Variants in ATP9B observed in about 807,000 individuals in gnomAD.
ATP9B encodes the protein ATPase phospholipid transporting 9B.
Under a neutral mutation model 146.1 loss-of-function variants are expected in ATP9B, and 110 were observed. The observed-to-expected ratio is 0.75, with a 90% CI of 0.65 to 0.88. ATP9B has a LOEUF of 0.88. Ranked by LOEUF, ATP9B falls within the 40% of genes least tolerant of loss-of-function variation. The pLI is 0.00. For missense variants in ATP9B, 1,499 were observed against 1,496.4 expected (o/e 1.00, Z -0.03); for synonymous variants, 604 against 569.7 (o/e 1.06, Z -0.86).
At chr18:79,369,532 CA>C (rs67043260) in intron 26 of ATP9B, among the ~76,000 whole-genome samples, 36,625 of 87,440 alleles carry the variant, frequency 0.42, 4,461 homozygotes, top group Middle Eastern at 0.56. Flanking sequence ...GAGTCCGTCT[CA>C]AAAAAAAAAA....
chr18:79,331,706 A>AT (rs1349867641), intron 17 of ATP9B, among the ~76,000 whole-genome samples: 1 of 152,150 alleles, frequency 6.6e-6, no homozygotes, highest in African/African-American at 2.4e-5. Flanking sequence ...TGGCTTGTCA[A>AT]ATGTTTAAAA....
chr18:79,177,510 T>C (rs1409511362), intron 8 of ATP9B, among the ~76,000 whole-genome samples: 1 of 152,142 alleles, frequency 6.6e-6, no homozygotes, highest in Non-Finnish European at 1.5e-5. Flanking sequence ...TTCAAAGTGC[T>C]GGGATTACAG....
At position 79,339,299 on chromosome 18, in the gene ATP9B, T is replaced by TGTGTCATGATCGTAGTAGG; in HGVS notation, c.2283+1850_2283+1851insGTGTCATGATCGTAGTAGG. Among the ~76,000 whole-genome samples, 4 of 150,728 alleles carry TGTGTCATGATCGTAGTAGG rather than the reference T, an allele frequency of 2.7e-5. No individual in the cohort carries two copies. The South Asian group carries it at 8.4e-4, about 32-fold the overall frequency. ...AGTGTGTCATGATCGTAGTAGGAAG[T>TGTGTCATGATCGTAGTAGG]ATGTCATGATCACAGTAGGAAGTGT... On this transcript the variant is annotated intron_variant, in intron 19 of 29. Transcript: ENST00000426216.
chr18:79,157,396 C>CAAAAAAAAAAAAAAAAAA (rs147316668), intron 7 of ATP9B, among the ~76,000 whole-genome samples: 5 of 48,584 alleles, frequency 1.0e-4, no homozygotes, highest in Admixed American at 6.3e-4. Context: ...AACTCCATCT[C>CAAAAAAAAAAAAAAAAAA]AAAAAAAAAA....
chr18:79,177,392 C>T (rs561668663), intron 8 of ATP9B, among the ~76,000 whole-genome samples: 22 of 152,044 alleles, frequency 1.4e-4, no homozygotes, highest in East Asian at 3.9e-4. Context: ...CACACCACCA[C>T]GCCCAGCCAG....
chr18:79,147,873 C>T (rs1054403703), intron 6 of ATP9B, among the ~76,000 whole-genome samples: 55 of 152,120 alleles, frequency 3.6e-4, no homozygotes, highest in African/African-American at 1.3e-3. Context: ...GAAAATCAAT[C>T]AATACAAAAG....
intron 1 of ATP9B, among the ~76,000 whole-genome samples, chr18:79,079,103 G>A (rs1473664458): frequency 2.6e-5 from 4 of 152,140 alleles, no homozygotes; most frequent in African/African-American, 9.7e-5. Flanking sequence ...GCTATTGTGA[G>A]TAGTGCTGCA....
At chr18:79,170,961 G>A (rs918694734) in intron 7 of ATP9B, among the ~76,000 whole-genome samples, 1 of 152,112 alleles carries the variant, frequency 6.6e-6, no homozygotes, top group South Asian at 2.1e-4. Flanking sequence ...TTTTGCCTTG[G>A]CTGTGCTGTG....
At chr18:79,219,635 G>A (rs556729621) in intron 11 of ATP9B, among the ~76,000 whole-genome samples, 1 of 152,144 alleles carries the variant, frequency 6.6e-6, no homozygotes, top group Admixed American at 6.5e-5. Context: ...CTATCAGTAT[G>A]TCACTCTTTC....
chr18:79,221,834 A>G lies in ATP9B; in HGVS notation c.1107+7796A>G, dbSNP rs1038559506. ...AGGCTTTTTTTTTTTTTAAACTTCT[A>G]GTTCTCCTCAGCTAACATCCCCAAA... is the stretch of plus-strand genomic sequence containing the variant. On this transcript the variant is annotated intron_variant, in intron 11 of 29. Transcript: ENST00000426216. Among the ~76,000 whole-genome samples, 5 of 140,024 alleles carry G rather than the reference A, an allele frequency of 3.6e-5. No individual in the cohort carries two copies. In the Admixed American group the frequency reaches 3.6e-4, roughly 10 times the overall value. The allele number at this position is 140,024 out of a possible 152,430, so 91.9% of individuals were successfully genotyped here.
At chr18:79,323,846 G>A (rs1216311770) in intron 15 of ATP9B, among the ~76,000 whole-genome samples, 2 of 152,156 alleles carry the variant, frequency 1.3e-5, no homozygotes, top group Non-Finnish European at 1.5e-5. Context: ...GGATTATATG[G>A]TGGCTCTGTG....
Position 79,208,531 on chromosome 18 carries a change from A to G in ATP9B, c.1030+1519A>G, listed in dbSNP as rs1411977631. 3.2e-4 allele frequency among the ~76,000 whole-genome samples: 48 copies of G among 152,172 alleles called. 2 individuals are homozygous for G. Among genetic ancestry groups the G allele is most frequent in the Admixed American group, 3.1e-3 (48 of 15,278 alleles). ...TGGCCTGCAGTATGCAAAACTAACTATACAACGAACTCCAGGAGGAGGACA... is the reference window on the plus strand; with the variant it reads ...TGGCCTGCAGTATGCAAAACTAACTGTACAACGAACTCCAGGAGGAGGACA... On this transcript the variant is annotated intron_variant, in intron 10 of 29. Transcript: ENST00000426216.
rs1311289971 is a variant in ATP9B at position 79,214,019 on chromosome 18, CATCCA to C, written c.1095_1099del (p.Asn365LysfsTer3). On this transcript the variant is annotated frameshift_variant, in exon 11 of 30. Transcript: ENST00000426216. LOFTEE classifies it high-confidence loss of function. ...AAAGAGACTCGAAGTGTAATGAACA[CATCCA>C]ATCCAAAAAATAAGGTAGGCTAGAT... is the stretch of plus-strand genomic sequence containing the variant. 1.3e-6 allele frequency: 2 copies of C among 1,598,090 alleles called. No individual in the cohort carries two copies. The highest frequency in any genetic ancestry group is 1.7e-6 in the Non-Finnish European group (2 of 1,174,966).
At chr18:79,273,604 G>A (rs924866501) in intron 12 of ATP9B, among the ~76,000 whole-genome samples, 3 of 152,312 alleles carry the variant, frequency 2.0e-5, no homozygotes, top group South Asian at 2.1e-4. Flanking sequence ...GGAGAATCTC[G>A]CGCGATTCTC....
At chr18:79,231,786 A>ATG (rs2095794599) in intron 11 of ATP9B, among the ~76,000 whole-genome samples, 1 of 90,746 alleles carries the variant, frequency 1.1e-5, no homozygotes, top group African/African-American at 3.8e-5. Flanking sequence ...GTGTATATAT[A>ATG]TATATATATA....
chr18:79,183,765 G>A (rs1220794254), intron 8 of ATP9B, among the ~76,000 whole-genome samples: 2 of 146,140 alleles, frequency 1.4e-5, no homozygotes, highest in Admixed American at 6.8e-5. Context: ...CATTTTTGGG[G>A]GGAGTATTTT....
At chr18:79,240,208 A>T (rs2095875697) in intron 11 of ATP9B, among the ~76,000 whole-genome samples, 2 of 152,222 alleles carry the variant, frequency 1.3e-5, no homozygotes, top group Non-Finnish European at 2.9e-5. Context: ...GGATTACAAC[A>T]TTAAATTATT....
Position 79,378,233 on chromosome 18 carries a change from T to G in ATP9B, c.*850T>G, listed in dbSNP as rs1053934081. 1 of 152,272 alleles carries G rather than the reference T, an allele frequency of 6.6e-6. No individual in the cohort carries two copies. The highest frequency in any genetic ancestry group is 2.4e-5 in the African/African-American group (1 of 41,462). The allele number at this position is 152,272 out of a possible 1,614,324, so 9.4% of individuals were successfully genotyped here. A position where few individuals can be genotyped will look rare whatever the true frequency, so the allele number is the denominator to read the frequency against. Reference sequence around the variant, plus strand: ...GCTGAAGATACCCTCGCTTTATACTTGCATTTCGCTTTTCAGTAAAAACAG... The same window carrying G: ...GCTGAAGATACCCTCGCTTTATACTGGCATTTCGCTTTTCAGTAAAAACAG... On this transcript the variant is annotated 3_prime_UTR_variant, in exon 30 of 30. Coordinates refer to ENST00000426216, the MANE Select transcript of ATP9B (RefSeq NM_198531.5).
intron 7 of ATP9B, among the ~76,000 whole-genome samples, chr18:79,168,280 T>C (rs1317981646): frequency 6.6e-6 from 1 of 152,024 alleles, no homozygotes; most frequent in Non-Finnish European, 1.5e-5. Context: ...GGCTGCATCC[T>C]GCGGGGGGAT....
Sources: allele counts gnomAD v4.1 joint callset (sites outside exome capture counted in the v4.1 genomes callset), GRCh38; gene constraint gnomAD v4.1.1; transcripts MANE v1.5; gene names NCBI Gene and HGNC (gene_info 2026-07-23, HGNC 2026-07-21).